The following ADAMTS20 variants were observed in gnomAD, a reference collection of about 807,000 sequenced individuals.
ADAMTS20 encodes the protein ADAM metallopeptidase with thrombospondin type 1 motif 20.
Under a neutral mutation model 260.1 loss-of-function variants are expected in ADAMTS20, and 225 were observed. That is an observed-to-expected ratio of 0.87 (90% confidence interval 0.78 to 0.97). ADAMTS20 has a LOEUF of 0.97. Among genes scored for constraint, ADAMTS20 ranks in the 50% least tolerant of loss-of-function variants. The pLI is 0.00. For synonymous variants in ADAMTS20, 802 were observed against 769.5 expected (o/e 1.04, Z -0.70); for missense variants, 2,400 against 2,337.7 (o/e 1.03, Z -0.55).
chr12:43,520,326 A>T (rs79417669), intron 3 of ADAMTS20, among the ~76,000 whole-genome samples: 6,053 of 152,238 alleles, frequency 0.04, 373 homozygotes, highest in African/African-American at 0.14. Flanking sequence ...AAAATTAAGA[A>T]AGTAGAAAAA....
At chr12:43,523,703 G>C (rs1405615236) in intron 3 of ADAMTS20, among the ~76,000 whole-genome samples, 1 of 152,098 alleles carries the variant, frequency 6.6e-6, no homozygotes, top group Non-Finnish European at 1.5e-5. Flanking sequence ...CTGTGCAGTA[G>C]AGGAAGCTAT....
rs1943298073 is a variant in ADAMTS20, at chr12:43,536,569, G to A, written c.454-4374C>T. On this transcript the variant is annotated intron_variant, in intron 2 of 38. Coordinates refer to ENST00000389420, the MANE Select transcript of ADAMTS20 (RefSeq NM_025003.5). ...GAGAGTGGGGAGGCACTCTGGAGGG[G>A]ACAGCAAAGCTGAGGCTAGAGTAAT... 2.0e-5 allele frequency among the ~76,000 whole-genome samples: 3 copies of A among 152,198 alleles called. No homozygotes were observed. The South Asian group carries it at 6.2e-4, about 32-fold the overall frequency.
intron 36 of ADAMTS20, among the ~76,000 whole-genome samples, chr12:43,373,669 T>C (rs1345295818): frequency 3.8e-5 from 5 of 132,236 alleles, no homozygotes; most frequent in Non-Finnish European, 7.9e-5. Flanking sequence ...AAATATCATC[T>C]CTTTTTTTTT....
At chr12:43,538,013 C>T (rs1943321311) in intron 2 of ADAMTS20, among the ~76,000 whole-genome samples, 1 of 152,180 alleles carries the variant, frequency 6.6e-6, no homozygotes, top group African/African-American at 2.4e-5. Context: ...TCCTGATTTC[C>T]TTTCATTTGG....
intron 11 of ADAMTS20, among the ~76,000 whole-genome samples, chr12:43,460,988 A>ATTTTTTTTTTTTTT (rs1161740021): frequency 7.6e-5 from 2 of 26,394 alleles, no homozygotes; most frequent in Non-Finnish European, 1.3e-4. Flanking sequence ...ATATATATAT[A>ATTTTTTTTTTTTTT]TTTTTTTTTT....
chr12:43,408,398 G>A (rs953968762), intron 28 of ADAMTS20, among the ~76,000 whole-genome samples: 2 of 152,094 alleles, frequency 1.3e-5, no homozygotes, highest in Non-Finnish European at 2.9e-5. Context: ...CATTACTATG[G>A]TAACATTTAC....
chr12:43,408,126 G>T (rs1268270864), intron 28 of ADAMTS20, among the ~76,000 whole-genome samples: 3 of 152,020 alleles, frequency 2.0e-5, no homozygotes, highest in Admixed American at 2.0e-4. Flanking sequence ...TTTCTTTGGG[G>T]CCATTATTGT....
intron 7 of ADAMTS20, among the ~76,000 whole-genome samples, chr12:43,469,655 T>C (rs899015580): frequency 6.6e-6 from 1 of 152,194 alleles, no homozygotes; most frequent in South Asian, 2.1e-4. Flanking sequence ...ATCAGTTTCT[T>C]ACTGTAAAGC....
At chr12:43,429,590 C>T (rs1355824113) in intron 24 of ADAMTS20, 27 bp downstream of exon 24, 2 of 1,452,486 alleles carry the variant, frequency 1.4e-6, no homozygotes, top group East Asian at 2.4e-5. Context: ...AATAGAAACA[C>T]TGTATCTATT....
intron 2 of ADAMTS20, among the ~76,000 whole-genome samples, chr12:43,543,043 T>C (rs1220485021): frequency 2.0e-5 from 3 of 152,170 alleles, no homozygotes; most frequent in Non-Finnish European, 4.4e-5. Flanking sequence ...CTCATGCCCG[T>C]AATCCCAACA....
In ADAMTS20 at chr12:43,551,525, A is replaced by ACTTC. The variant is rs1417534927; in HGVS notation, c.92-259_92-256dup. Among the ~76,000 whole-genome samples, 1 of 151,698 alleles carries ACTTC rather than the reference A, an allele frequency of 6.6e-6. No homozygotes were observed. Among genetic ancestry groups the ACTTC allele is most frequent in the Non-Finnish European group, 1.5e-5 (1 of 67,908 alleles). ...TACCACTAATGGCCCTAAGCAACCC[A>ACTTC]CTTCCTTCCCCAGTACCTCCTAACC... is the stretch of plus-strand genomic sequence containing the variant. On this transcript the variant is annotated intron_variant, in intron 1 of 38. Coordinates refer to ENST00000389420, the MANE Select transcript of ADAMTS20 (RefSeq NM_025003.5). The surrounding 1 kb of genome is among the most constrained non-coding windows in gnomAD (Gnocchi z 4.6).
chr12:43,383,440 T>C (rs1940397068), intron 31 of ADAMTS20, 118 bp downstream of exon 31: 2 of 959,816 alleles, frequency 2.1e-6, no homozygotes, highest in East Asian at 2.6e-5. Context: ...TAGATTGATA[T>C]GCATACCATC....
chr12:43,419,739 AACACACACAC>A (rs147586045), intron 28 of ADAMTS20, among the ~76,000 whole-genome samples: 2 of 148,812 alleles, frequency 1.3e-5, no homozygotes, highest in South Asian at 2.1e-4. Context: ...CACACACACA[AACACACACAC>A]ACACACACAG....
At chr12:43,428,580 A>T in intron 25 of ADAMTS20, 49 bp from the exon 26 acceptor site, 1 of 1,477,296 alleles carries the variant, frequency 6.8e-7, no homozygotes, top group Non-Finnish European at 9.0e-7. Context: ...ATTTATATTT[A>T]ATATCAAATA....
intron 29 of ADAMTS20, among the ~76,000 whole-genome samples, chr12:43,392,427 T>A (rs1309063360): frequency 1.3e-5 from 2 of 152,122 alleles, no homozygotes; most frequent in Non-Finnish European, 2.9e-5. Context: ...GATCCTAGCA[T>A]GAGTTTTTAA....
rs771439398 is a variant in ADAMTS20 at position 43,462,909 on chromosome 12, A to C, written c.1600T>G (p.Cys534Gly). The C allele has an allele frequency of 6.2e-7, 1 of 1,605,916 alleles. No individual in the cohort carries two copies. Among genetic ancestry groups the C allele is most frequent in the Non-Finnish European group, 8.5e-7 (1 of 1,175,702 alleles). Reference protein sequence around the residue: ...QHVPPADGTDCGPGMHCRHGL... With the variant: ...QHVPPADGTDGGPGMHCRHGL... The stretch of plus-strand genomic sequence containing the variant: ...AGAAAACCTACCATTCCAGGACCGC[A>C]GTCTGTTCCATCTGCTGGTGGCACG... Residue 534 changes from cysteine to glycine, a missense_variant, in exon 11 of 39, where the codon TGC becomes GGC. Transcript: ENST00000389420.
At chr12:43,366,654 T>C (rs1039753505) in intron 37 of ADAMTS20, among the ~76,000 whole-genome samples, 2 of 151,758 alleles carry the variant, frequency 1.3e-5, no homozygotes, top group Admixed American at 6.6e-5. Context: ...AAAAGAAAAT[T>C]TGGGAAATTT....
chr12:43,551,174 C>A lies in ADAMTS20; in HGVS notation c.188G>T (p.Arg63Leu), dbSNP rs760476436. ...EVFPQSHHFS[R>L]QKRSSEALEP... Reference sequence around the variant, plus strand: ...CAGCGCCTCGGAGCTGCGTTTCTGCCGGCTGAAGTGGTGGCTCTGAGGGAA... The same window carrying A: ...CAGCGCCTCGGAGCTGCGTTTCTGCAGGCTGAAGTGGTGGCTCTGAGGGAA... The change falls in exon 2 of 39, where the codon CGG (arginine) becomes CTG (leucine). Residue 63 changes from arginine (R) to leucine (L), a missense_variant. By Grantham distance (102) the Arg-to-Leu change is moderately radical. Coordinates refer to ENST00000389420, the MANE Select transcript of ADAMTS20 (RefSeq NM_025003.5). This position sits in a 1 kb window ranked among gnomAD's most constrained non-coding sequence, Gnocchi z 4.6. 3 of 1,613,920 alleles carry A rather than the reference C, an allele frequency of 1.9e-6. No homozygotes were observed. Among genetic ancestry groups the A allele is most frequent in the Non-Finnish European group, 2.5e-6 (3 of 1,179,884 alleles).
intron 3 of ADAMTS20, among the ~76,000 whole-genome samples, chr12:43,522,721 TG>T (rs869051334): frequency 1.3e-5 from 2 of 152,202 alleles, no homozygotes; most frequent in Admixed American, 1.3e-4. Flanking sequence ...GTGGTGTTTG[TG>T]GGGGTTTTTG....
Sources: gnomAD v4.1 joint callset for allele counts (sites outside exome capture counted in the v4.1 genomes callset) on GRCh38, gnomAD v4.1.1 for gene constraint, Gnocchi (gnomAD v3.1) non-coding constraint, MANE v1.5 for transcripts, NCBI Gene and HGNC (gene_info 2026-07-23, HGNC 2026-07-21) for gene names.